Variants in LUZP2 observed in about 807,000 individuals in gnomAD.
LUZP2 encodes the protein leucine zipper protein 2.
A neutral mutation model predicts 51.6 loss-of-function variants in LUZP2; 52 were observed. The observed-to-expected ratio is 1.01, with a 90% confidence interval of 0.81 to 1.27. The LOEUF is 1.27. Ranked by LOEUF, LUZP2 falls within the 50% of genes most tolerant of loss-of-function variation. The pLI is 0.00. For synonymous variants in LUZP2, 154 were observed against 137.3 expected, an observed-to-expected ratio of 1.12 and a Z score of -0.85; for missense variants, 436 against 395.4, an observed-to-expected ratio of 1.10 and a Z score of -0.87.
chr11:24,898,569 G>A (rs1280176500), intron 5 of LUZP2, among the ~76,000 whole-genome samples: 1 of 151,864 alleles, frequency 6.6e-6, no homozygotes, highest in Non-Finnish European at 1.5e-5. Flanking sequence ...CTTACAGTGA[G>A]CCCAGATCGT....
chr11:24,657,141 A>C (rs1313539721), intron 1 of LUZP2, among the ~76,000 whole-genome samples: 1 of 152,174 alleles, frequency 6.6e-6, no homozygotes, highest in Non-Finnish European at 1.5e-5. Context: ...TAAAAGCAAG[A>C]AACCTACTTA....
intron 7 of LUZP2, among the ~76,000 whole-genome samples, chr11:24,956,705 A>C (rs1277707477): frequency 6.6e-6 from 1 of 152,114 alleles, no homozygotes; most frequent in Non-Finnish European, 1.5e-5. Context: ...ACAAGAAGGA[A>C]GAACAATAAG....
rs1304258565 is a variant in LUZP2, at chr11:25,080,658, T to A, written c.*2000T>A. 6.6e-6 allele frequency: 1 copy of A among 152,132 alleles called. No individual in the cohort carries two copies. Among genetic ancestry groups the A allele is most frequent in the Non-Finnish European group, 1.5e-5 (1 of 68,026 alleles). The allele number at this position is 152,132 out of a possible 1,614,324, so 9.4% of individuals were successfully genotyped here. ...CCTGTTCCTTGTAATTCTCCCACTG[T>A]TCTCAGTGGCCCTAACCATCTCTAT... On this transcript the variant is annotated 3_prime_UTR_variant, in exon 12 of 12. Coordinates refer to ENST00000336930, the MANE Select transcript of LUZP2 (RefSeq NM_001009909.4).
chr11:24,915,931 CTA>C (rs1305057393), intron 7 of LUZP2, among the ~76,000 whole-genome samples: 1 of 152,088 alleles, frequency 6.6e-6, no homozygotes. Context: ...GTAGTAGATT[CTA>C]TTTCACATAC....
At chr11:24,813,398 G>T (rs1850076934) in intron 5 of LUZP2, among the ~76,000 whole-genome samples, 1 of 152,168 alleles carries the variant, frequency 6.6e-6, no homozygotes, top group African/African-American at 2.4e-5. Context: ...AAAGCATAAT[G>T]ACATCTACTT....
intron 1 of LUZP2, among the ~76,000 whole-genome samples, chr11:24,570,199 G>A (rs1427737131): frequency 6.6e-6 from 1 of 151,966 alleles, no homozygotes; most frequent in Admixed American, 6.6e-5. Context: ...ACGAGAAGAC[G>A]GTGATGGTAC....
chr11:24,805,064 T>A (rs1849814164), intron 5 of LUZP2, among the ~76,000 whole-genome samples: 1 of 151,734 alleles, frequency 6.6e-6, no homozygotes, highest in Non-Finnish European at 1.5e-5. Context: ...TTTTCATGCT[T>A]CTGACAAAGA....
chr11:24,528,739 G>C (rs2133819156), intron 1 of LUZP2, among the ~76,000 whole-genome samples: 1 of 151,186 alleles, frequency 6.6e-6, no homozygotes, highest in African/African-American at 2.4e-5. Flanking sequence ...AAAATGTGTT[G>C]AGGACATCAC....
intron 1 of LUZP2, among the ~76,000 whole-genome samples, chr11:24,669,399 CT>C (rs1238295152): frequency 6.6e-6 from 1 of 152,086 alleles, no homozygotes; most frequent in Non-Finnish European, 1.5e-5. Flanking sequence ...CTGTCTGGGC[CT>C]GCCGAATGCT....
chr11:24,773,432 G>T (rs1355017823), intron 5 of LUZP2, among the ~76,000 whole-genome samples: 1 of 152,172 alleles, frequency 6.6e-6, no homozygotes, highest in Non-Finnish European at 1.5e-5. Context: ...TTTATTGGAA[G>T]AAGATAAAGT....
intron 1 of LUZP2, among the ~76,000 whole-genome samples, chr11:24,708,286 T>C (rs990245073): frequency 6.6e-6 from 1 of 152,190 alleles, no homozygotes; most frequent in Non-Finnish European, 1.5e-5. Context: ...GAAAACCTCA[T>C]AGTCACACTC....
In LUZP2 at chr11:24,983,232, G is replaced by T. The variant is rs139865032; in HGVS notation, c.704G>T (p.Arg235Leu). The change falls in exon 9 of 12, where the codon CGG (arginine) becomes CTG (leucine). Residue 235 changes from arginine to leucine, a missense_variant. Transcript: ENST00000336930. ...AGTTTAATCACATCAAATCCAACTC[G>T]GATGTTACTCCCACCCAGGAATATT... is the stretch of plus-strand genomic sequence containing the variant. The part of the protein sequence containing the change: ...PLSLITSNPT[R>L]MLLPPRNIAS... 2 of 1,612,116 alleles carry T rather than the reference G, an allele frequency of 1.2e-6. No homozygotes were observed. Among genetic ancestry groups the T allele is most frequent in the Admixed American group, 1.7e-5 (1 of 59,776 alleles).
intron 2 of LUZP2, among the ~76,000 whole-genome samples, chr11:24,730,299 C>A (rs1858666403): frequency 6.6e-6 from 1 of 151,640 alleles, no homozygotes. Flanking sequence ...GAAAAGTTAA[C>A]AAACTAAGAG....
intron 1 of LUZP2, among the ~76,000 whole-genome samples, chr11:24,643,740 A>G (rs1301264780): frequency 6.6e-6 from 1 of 152,156 alleles, no homozygotes; most frequent in African/African-American, 2.4e-5. Flanking sequence ...TAATGCACAC[A>G]TTAGTCACTA....
intron 7 of LUZP2, among the ~76,000 whole-genome samples, chr11:24,932,702 A>T (rs1854490039): frequency 6.7e-6 from 1 of 148,496 alleles, no homozygotes; most frequent in Admixed American, 6.6e-5. Context: ...AGCAGGACTG[A>T]GAACTTGCCC....
chr11:24,993,856 C>T (rs1018259687), intron 9 of LUZP2, among the ~76,000 whole-genome samples: 2 of 149,506 alleles, frequency 1.3e-5, no homozygotes, highest in African/African-American at 4.9e-5. Context: ...TTTTCCATTT[C>T]TTTTTTTTGG....
chr11:24,910,187 C>G (rs1853581148), intron 6 of LUZP2, among the ~76,000 whole-genome samples: 1 of 151,904 alleles, frequency 6.6e-6, no homozygotes, highest in Admixed American at 6.6e-5. Context: ...TCATAAGCAG[C>G]AAAGTGTTCA....
chr11:24,747,490 T>C (rs2134001759), intron 4 of LUZP2, among the ~76,000 whole-genome samples: 1 of 152,276 alleles, frequency 6.6e-6, no homozygotes, highest in Admixed American at 6.5e-5. Flanking sequence ...TTCTTAGCTC[T>C]GGTGGTTTCA....
At position 24,523,144 on chromosome 11, in the gene LUZP2, G is replaced by A. The variant is rs115062244; in HGVS notation, c.62+25839G>A. On this transcript the variant is annotated intron_variant, in intron 1 of 11. Transcript: ENST00000336930. ...CTGGTTCTACAGTGAGAATTCTTCT[G>A]GAATGTGCTTTTATTATATCCTGCC... is the stretch of plus-strand genomic sequence containing the variant. Among the ~76,000 whole-genome samples, 1,031 of 152,006 alleles carry A rather than the reference G, an allele frequency of 6.8e-3. 5 individuals carry two copies. Among genetic ancestry groups the A allele is most frequent in the African/African-American group, 0.018 (728 of 41,508 alleles).
Sources: allele counts gnomAD v4.1 joint callset (sites outside exome capture counted in the v4.1 genomes callset), GRCh38; gene constraint gnomAD v4.1.1; transcripts MANE v1.5; gene names NCBI Gene and HGNC (gene_info 2026-07-23, HGNC 2026-07-21).